RPGRIP1: variants seen among roughly 807,000 people sequenced by gnomAD.
RPGRIP1 encodes RPGR interacting protein 1.
In RPGRIP1, 128 loss-of-function variants were observed where a neutral mutation model predicts 157.9. The ratio of observed to expected loss-of-function variants is 0.81; its 90% CI spans 0.70 to 0.94. The LOEUF (loss-of-function observed/expected upper bound fraction) is 0.94. RPGRIP1 is among the 40% of genes least tolerant of loss of function. RPGRIP1 has a pLI of 0.00. For synonymous variants in RPGRIP1, 554 were observed against 571.6 expected, an observed-to-expected ratio of 0.97 and a Z score of 0.44; for missense variants, 1,486 against 1,545.8, an observed-to-expected ratio of 0.96 and a Z score of 0.65.
At chr14:21,292,135 GC>G (rs1179495772) in intron 2 of RPGRIP1, among the ~76,000 whole-genome samples, 1 of 152,120 alleles carries the variant, frequency 6.6e-6, no homozygotes, top group Non-Finnish European at 1.5e-5. Flanking sequence ...CAAGCTGTCT[GC>G]CCACCATGGC....
intron 15 of RPGRIP1, 41 bp downstream of exon 15, chr14:21,325,111 C>A: frequency 6.4e-7 from 1 of 1,559,580 alleles, no homozygotes; most frequent in Non-Finnish European, 8.7e-7. Context: ...AGCACCAATG[C>A]AGAATTTCCC....
chr14:21,328,564 T>C lies in RPGRIP1; in HGVS notation c.3036T>C (p.Gly1012=), dbSNP rs2139251582. ...GAAGAAAACATGGCAAAAGAATAGG[T>C]GTTCAAGGAAAGAATAGAATGGAGT... ...YSRRKHGKRI[G]VQGKNRMEYL... Residue 1012 remains glycine (G), a synonymous_variant, in exon 19 of 25, where the codon GGT becomes GGC. Coordinates refer to ENST00000400017, the MANE Select transcript of RPGRIP1 (RefSeq NM_020366.4). 1 of 1,613,720 alleles carries C rather than the reference T, an allele frequency of 6.2e-7. No homozygotes were observed. The highest frequency in any genetic ancestry group is 8.5e-7 in the Non-Finnish European group (1 of 1,179,736).
intron 10 of RPGRIP1, among the ~76,000 whole-genome samples, chr14:21,315,351 C>T (rs1004228296): frequency 1.3e-5 from 2 of 151,288 alleles, no homozygotes; most frequent in Non-Finnish European, 2.9e-5. Context: ...ACTAAAAATA[C>T]AAAAAATTAG....
At chr14:21,329,811 T>G (rs925999136) in intron 19 of RPGRIP1, among the ~76,000 whole-genome samples, 2 of 150,904 alleles carry the variant, frequency 1.3e-5, no homozygotes, top group Admixed American at 1.3e-4. Context: ...GTACTAACTT[T>G]TAAAAATTAA....
In RPGRIP1 at chr14:21,321,728, T is replaced by C; in HGVS notation, c.1612-126T>C. On this transcript the variant is annotated intron_variant, in intron 13 of 24. Coordinates refer to ENST00000400017, the MANE Select transcript of RPGRIP1 (RefSeq NM_020366.4). ...AGGGGTCTGCAAGGAAATCAAACCT[T>C]CTTCTAGTGGGTGAACCTGCCCAGC... 13 of 995,156 alleles carry C rather than the reference T, an allele frequency of 1.3e-5. No individual in the cohort carries two copies. The South Asian group carries it at 2.1e-4, about 16-fold the overall frequency. The allele number at this position is 995,156 out of a possible 1,614,324, so 61.6% of individuals were successfully genotyped here.
intron 1 of RPGRIP1, among the ~76,000 whole-genome samples, chr14:21,284,520 A>G (rs1880233122): frequency 6.6e-6 from 1 of 150,580 alleles, no homozygotes; most frequent in African/African-American, 2.4e-5. Flanking sequence ...CAAATCTGAA[A>G]GTCAAGGCTG....
At chr14:21,300,870 C>T in intron 3 of RPGRIP1, 96 bp from the exon 4 acceptor site, 1 of 1,372,166 alleles carries the variant, frequency 7.3e-7, no homozygotes, top group South Asian at 1.2e-5. Context: ...TAGATGAATA[C>T]ATATTATAGA....
In RPGRIP1 at chr14:21,292,841, C is replaced by T. The variant is rs563349601; in HGVS notation, c.86-1836C>T. The stretch of plus-strand genomic sequence containing the variant: ...CTCCAGCCTGGGCAACAGTGAGAGA[C>T]TCTGTGTCAAAAAAATAATAATTAG... On this transcript the variant is annotated intron_variant, in intron 2 of 24. Transcript: ENST00000400017. Among the ~76,000 whole-genome samples, 3 of 145,954 alleles carry T rather than the reference C, an allele frequency of 2.1e-5. No homozygotes were observed. In the South Asian group the frequency reaches 6.6e-4, roughly 32 times the overall value.
At chr14:21,328,815 C>T (rs1208816074) in intron 19 of RPGRIP1, among the ~76,000 whole-genome samples, 188 bp downstream of exon 19, 1 of 151,702 alleles carries the variant, frequency 6.6e-6, no homozygotes, top group Non-Finnish European at 1.5e-5. Flanking sequence ...CTCAGGTCAG[C>T]CTGGCCAACA....
chr14:21,345,851 A>C (rs1177178970), intron 23 of RPGRIP1, among the ~76,000 whole-genome samples: 2 of 151,642 alleles, frequency 1.3e-5, no homozygotes, highest in Non-Finnish European at 2.9e-5. Flanking sequence ...ACAGTGTCTC[A>C]CTCTGTTGTC....
At chr14:21,345,762 T>C (rs1217151035) in intron 23 of RPGRIP1, among the ~76,000 whole-genome samples, 2 of 152,114 alleles carry the variant, frequency 1.3e-5, no homozygotes, top group Admixed American at 6.5e-5. Flanking sequence ...GGCCCTTTTT[T>C]TGTAGCAGCA....
Position 21,348,277 on chromosome 14 carries a change from A to C in RPGRIP1, c.3723A>C (p.Arg1241Ser). Residue 1241 changes from arginine (R) to serine (S), a missense_variant, in exon 24 of 25, where the codon AGA (arginine) becomes AGC (serine). Transcript: ENST00000400017. ...LQLWQILESG[R>S]DILEQELDIV... ...TGTGGCAGATCCTGGAGTCAGGAAG[A>C]GATATTCTAGAGCAAGAGCTAGACA... 1 of 1,584,652 alleles carries C rather than the reference A, an allele frequency of 6.3e-7. No individual in the cohort carries two copies. Among genetic ancestry groups the C allele is most frequent in the South Asian group, 1.2e-5 (1 of 84,686 alleles).
intron 24 of RPGRIP1, 25 bp from the exon 25 acceptor site, chr14:21,351,079 G>A: frequency 7.4e-7 from 1 of 1,347,548 alleles, no homozygotes; most frequent in Non-Finnish European, 1.1e-6. Context: ...ACTGAGTGAT[G>A]CTGTTTTTTT....
intron 2 of RPGRIP1, among the ~76,000 whole-genome samples, chr14:21,293,974 A>G (rs1880647067): frequency 6.8e-6 from 1 of 147,650 alleles, no homozygotes; most frequent in Non-Finnish European, 1.5e-5. Context: ...AATCACTTGA[A>G]CCTGGGAGGT....
intron 3 of RPGRIP1, among the ~76,000 whole-genome samples, chr14:21,297,967 A>G (rs960970979): frequency 6.6e-6 from 1 of 151,634 alleles, no homozygotes; most frequent in Non-Finnish European, 1.5e-5. Flanking sequence ...TCCTGGAATC[A>G]AGTATCAATA....
rs148321752 is a variant in RPGRIP1, at chr14:21,295,014, A to T, written c.218+205A>T. Among the ~76,000 whole-genome samples, 129 of 151,358 alleles carry T rather than the reference A, an allele frequency of 8.5e-4. 1 individual carries two copies. The highest frequency in any genetic ancestry group is 2.9e-3 in the African/African-American group (119 of 41,248). On this transcript the variant is annotated intron_variant, in intron 3 of 24. Transcript: ENST00000400017. The stretch of plus-strand genomic sequence containing the variant: ...ATGCGTCACCATGCCCAGCTAATTT[A>T]GTATTTTTAAGTAGAGATGGGGATT...
intron 23 of RPGRIP1, among the ~76,000 whole-genome samples, chr14:21,346,091 G>GT (rs1885543325): frequency 6.6e-6 from 1 of 152,152 alleles, no homozygotes; most frequent in Non-Finnish European, 1.5e-5. Flanking sequence ...GATTACAGGC[G>GT]TGAGTGACCA....
intron 14 of RPGRIP1, 95 bp from the exon 15 acceptor site, chr14:21,324,523 C>A: frequency 9.7e-7 from 1 of 1,025,908 alleles, no homozygotes; most frequent in Non-Finnish European, 1.5e-6. Context: ...CTTGGACTTC[C>A]ACCATGTGTT....
intron 2 of RPGRIP1, among the ~76,000 whole-genome samples, chr14:21,293,705 C>T (rs1418224464): frequency 1.3e-5 from 2 of 152,028 alleles, no homozygotes; most frequent in East Asian, 1.9e-4. Flanking sequence ...GGAGAAACCC[C>T]GTCTCTACTA....
Sources: allele counts gnomAD v4.1 joint callset (sites outside exome capture counted in the v4.1 genomes callset), GRCh38; gene constraint gnomAD v4.1.1; transcripts MANE v1.5; gene names NCBI Gene and HGNC (gene_info 2026-07-23, HGNC 2026-07-21).